The following SIK2 variants were observed in gnomAD, a reference collection of about 807,000 sequenced individuals.
The protein encoded by SIK2 is salt inducible kinase 2, also known as serine/threonine-protein kinase SIK2.
In SIK2, 29 loss-of-function variants were observed where a neutral mutation model predicts 103.2. The ratio of observed to expected loss-of-function variants is 0.28; its 90% CI spans 0.21 to 0.38. The LOEUF (loss-of-function observed/expected upper bound fraction) is 0.38. Ranked by LOEUF, SIK2 falls within the 10% of genes least tolerant of loss-of-function variation. The pLI is 1.00. For missense variants in SIK2, 879 were observed against 1,171.0 expected, an observed-to-expected ratio of 0.75 and a Z score of 3.64; for synonymous variants, 412 against 446.1, an observed-to-expected ratio of 0.92 and a Z score of 0.96.
chr11:111,665,279 T>G (rs1942521336), intron 3 of SIK2, among the ~76,000 whole-genome samples: 1 of 149,318 alleles, frequency 6.7e-6, no homozygotes, highest in African/African-American at 2.5e-5. Context: ...AACCCCATGT[T>G]TACAAAAAAA....
intron 1 of SIK2, among the ~76,000 whole-genome samples, chr11:111,603,983 A>G (rs1377210863): frequency 6.6e-6 from 1 of 152,258 alleles, no homozygotes; most frequent in Non-Finnish European, 1.5e-5. Context: ...AGGAAGGGGT[A>G]TATGTCATTC....
chr11:111,707,067 G>A (rs910237472), intron 8 of SIK2, among the ~76,000 whole-genome samples: 3 of 151,806 alleles, frequency 2.0e-5, no homozygotes, highest in Non-Finnish European at 2.9e-5. Context: ...GGAAATCTTC[G>A]AAGTTGAATG....
At chr11:111,623,615 T>C (rs78778429) in intron 3 of SIK2, among the ~76,000 whole-genome samples, 5,294 of 152,300 alleles carry the variant, frequency 0.035, 301 homozygotes, top group African/African-American at 0.12. Context: ...TTCTGAGTAC[T>C]CTACTCAATG....
chr11:111,679,834 G>GT (rs920212745), intron 3 of SIK2, among the ~76,000 whole-genome samples: 23 of 151,730 alleles, frequency 1.5e-4, no homozygotes, highest in Non-Finnish European at 2.8e-4. Context: ...AATAAAAAGG[G>GT]TTTTTTTTGG....
At chr11:111,709,053 G>A (rs906786867) in intron 8 of SIK2, among the ~76,000 whole-genome samples, 5 of 152,186 alleles carry the variant, frequency 3.3e-5, no homozygotes, top group Admixed American at 1.3e-4. Context: ...TAGGGCTGCC[G>A]TAACGAAATA....
intron 1 of SIK2, among the ~76,000 whole-genome samples, chr11:111,615,883 G>C (rs117020710): frequency 6.6e-6 from 1 of 152,082 alleles, no homozygotes; most frequent in Admixed American, 6.5e-5. Flanking sequence ...CTGATCATTT[G>C]TTTATAGGTA....
intron 3 of SIK2, among the ~76,000 whole-genome samples, chr11:111,648,930 A>C (rs536207818): frequency 1.6e-4 from 25 of 152,124 alleles, no homozygotes; most frequent in Non-Finnish European, 2.6e-4. Context: ...CGAGAGAGGA[A>C]GCTAAGGCAA....
chr11:111,654,294 T>C (rs925947210), intron 3 of SIK2, among the ~76,000 whole-genome samples: 3 of 152,234 alleles, frequency 2.0e-5, no homozygotes, highest in Non-Finnish European at 4.4e-5. Context: ...GTATCTAATT[T>C]CCTTTTCTCT....
chr11:111,652,205 A>G (rs955421350), intron 3 of SIK2, among the ~76,000 whole-genome samples: 5 of 152,234 alleles, frequency 3.3e-5, no homozygotes. Context: ...TCTTGAGATA[A>G]CAAAAAACAC....
At chr11:111,700,411 G>C (rs1413854242) in intron 4 of SIK2, among the ~76,000 whole-genome samples, 5 of 152,198 alleles carry the variant, frequency 3.3e-5, no homozygotes, top group African/African-American at 1.2e-4. Flanking sequence ...ACTGCACTCA[G>C]TTGCCTTCAA....
rs1944148110 is a variant in SIK2 at position 111,730,420 on chromosome 11, C to G, written c.*6291C>G. 2 of 152,160 alleles carry G rather than the reference C, an allele frequency of 1.3e-5. No homozygotes were observed. The highest frequency in any genetic ancestry group is 4.1e-4 in the South Asian group (2 of 4,828). 9.4% of individuals were successfully genotyped at this position (152,160 alleles called of 1,614,324 possible). A position where few individuals can be genotyped will look rare whatever the true frequency, so the allele number is the denominator to read the frequency against. On this transcript the variant is annotated 3_prime_UTR_variant, in exon 15 of 15. Coordinates refer to ENST00000304987, the MANE Select transcript of SIK2 (RefSeq NM_015191.3). ...GAAGTGGAGAGAAAGGTTTGCTTCA[C>G]TTCGGGGACTGCAGTTTGAGAAATA... is the stretch of plus-strand genomic sequence containing the variant.
chr11:111,699,624 T>G (rs1480133644), intron 4 of SIK2, among the ~76,000 whole-genome samples: 3 of 152,220 alleles, frequency 2.0e-5, no homozygotes, highest in African/African-American at 7.2e-5. Flanking sequence ...ATAATGGGGA[T>G]TGTTACTGTT....
intron 3 of SIK2, among the ~76,000 whole-genome samples, chr11:111,687,603 TA>T (rs202002175): frequency 1.3e-4 from 18 of 137,066 alleles, no homozygotes; most frequent in African/African-American, 2.5e-4. Flanking sequence ...TTGTTTTTTT[TA>T]AAAAAAAAAA....
intron 3 of SIK2, among the ~76,000 whole-genome samples, chr11:111,660,839 C>CTTTTTTTTTTTTTTTTTTTTT (rs57174726): frequency 1.1e-5 from 1 of 90,398 alleles, no homozygotes. Context: ...GTGAAGTTGG[C>CTTTTTTTTTTTTTTTTTTTTT]TTTTTTTTTT....
In SIK2 at chr11:111,701,165, G is replaced by C. The variant is rs1943203915; in HGVS notation, c.603+155G>C. Among the ~76,000 whole-genome samples, 1 of 152,172 alleles carries C rather than the reference G, an allele frequency of 6.6e-6. No individual in the cohort carries two copies. Among genetic ancestry groups the C allele is most frequent in the African/African-American group, 2.4e-5 (1 of 41,432 alleles). On this transcript the variant is annotated intron_variant, in intron 5 of 14. Transcript: ENST00000304987. The surrounding 1 kb of genome is among the most constrained non-coding windows in gnomAD (Gnocchi z 4.2). ...TAATTACTCAGAGCATCTTGAAATGGATCCCTAGGAAAGAATTTCTAAGGA... is the reference window on the plus strand; with the variant it reads ...TAATTACTCAGAGCATCTTGAAATGCATCCCTAGGAAAGAATTTCTAAGGA...
chr11:111,667,042 A>G (rs990715587), intron 3 of SIK2, among the ~76,000 whole-genome samples: 2 of 151,706 alleles, frequency 1.3e-5, no homozygotes, highest in East Asian at 1.9e-4. Context: ...ATCTTGGCTC[A>G]TCGCAACCTC....
In SIK2 at chr11:111,671,947, G is replaced by A. The variant is rs572392253; in HGVS notation, c.317-16054G>A. Reference sequence around the variant, plus strand: ...CAGAGTGTCCAGCTGCCACCAAAGGGTGTTGATGTGGCTCTCGAACATCTC... The same window carrying A: ...CAGAGTGTCCAGCTGCCACCAAAGGATGTTGATGTGGCTCTCGAACATCTC... On this transcript the variant is annotated intron_variant, in intron 3 of 14. Transcript: ENST00000304987. 2.9e-5 allele frequency: 14 copies of A among 489,090 alleles called. No homozygotes were observed. The East Asian group carries it at 7.8e-4, about 27-fold the overall frequency. 30.3% of individuals were successfully genotyped at this position (489,090 alleles called of 1,614,324 possible).
rs117422136 is a variant in SIK2 at position 111,626,459 on chromosome 11, T to C, written c.316+6057T>C. Among the ~76,000 whole-genome samples the C allele has an allele frequency of 6.6e-3, 1,009 of 152,166 alleles. 8 individuals are homozygous for C. Among genetic ancestry groups the C allele is most frequent in the Middle Eastern group, 0.061 (18 of 294 alleles). On this transcript the variant is annotated intron_variant, in intron 3 of 14. Transcript: ENST00000304987. Reference sequence around the variant, plus strand: ...CCTTGATGTCAGTATTGATTCCTTTTCCTTCCTACCTGAATGAGGTTTTGA... The same window carrying C: ...CCTTGATGTCAGTATTGATTCCTTTCCCTTCCTACCTGAATGAGGTTTTGA...
Position 111,721,082 on chromosome 11 carries a change from C to T in SIK2, c.1944+20C>T. The T allele has an allele frequency of 6.3e-7, 1 of 1,598,892 alleles. No individual in the cohort carries two copies. Among genetic ancestry groups the T allele is most frequent in the Non-Finnish European group, 8.5e-7 (1 of 1,174,896 alleles). On this transcript the variant is annotated intron_variant, in intron 12 of 14. Transcript: ENST00000304987. Reference sequence around the variant, plus strand: ...CCTCAGGTGGGTACCTTGGGCCCTTCCCTCAATGGCTCTGTGAGGATGAGG... The same window carrying T: ...CCTCAGGTGGGTACCTTGGGCCCTTTCCTCAATGGCTCTGTGAGGATGAGG...
Sources: gnomAD v4.1 joint callset for allele counts (sites outside exome capture counted in the v4.1 genomes callset) on GRCh38, gnomAD v4.1.1 for gene constraint, Gnocchi (gnomAD v3.1) non-coding constraint, MANE v1.5 for transcripts, NCBI Gene and HGNC (gene_info 2026-07-23, HGNC 2026-07-21) for gene names.